The following LRFN5 variants were observed in gnomAD, a reference collection of about 807,000 sequenced individuals.
LRFN5 encodes the protein leucine-rich repeat and fibronectin type-III domain-containing protein 5.
Under a neutral mutation model 45.6 loss-of-function variants are expected in LRFN5, and 24 were observed. The observed-to-expected ratio is 0.53, with a 90% CI of 0.38 to 0.74. The LOEUF (loss-of-function observed/expected upper bound fraction) is 0.74. LRFN5 is among the 30% of genes least tolerant of loss of function. The probability of loss-of-function intolerance (pLI) is 0.00; values close to 1 mark genes in which losing one functional copy is unlikely to be tolerated. For synonymous variants in LRFN5, 340 were observed against 313.8 expected (o/e 1.08, Z -0.88); for missense variants, 776 against 861.5 (o/e 0.90, Z 1.24).
intron 1 of LRFN5, among the ~76,000 whole-genome samples, chr14:41,753,985 T>G (rs1028394237): frequency 8.5e-5 from 13 of 152,228 alleles, no homozygotes; most frequent in Non-Finnish European, 8.8e-5. Flanking sequence ...GGCTGTTGAA[T>G]TTCGTCAAAG....
intron 2 of LRFN5, among the ~76,000 whole-genome samples, chr14:41,831,122 G>A (rs10133240): frequency 0.056 from 8,594 of 152,136 alleles, 813 homozygotes; most frequent in African/African-American, 0.2. Flanking sequence ...GAGTTAGAAA[G>A]CCCATGTAGC....
chr14:41,854,362 C>A (rs571777808), intron 2 of LRFN5, among the ~76,000 whole-genome samples: 130 of 148,962 alleles, frequency 8.7e-4, no homozygotes, highest in African/African-American at 3.0e-3. Flanking sequence ...AGGGGCCTGT[C>A]GTGGGGTGGG....
At position 41,716,001 on chromosome 14, in the gene LRFN5, T is replaced by C. The variant is rs182577236; in HGVS notation, c.-196-50853T>C. 2.5e-4 allele frequency among the ~76,000 whole-genome samples: 38 copies of C among 152,334 alleles called. No individual in the cohort carries two copies. The East Asian group carries it at 6.4e-3, about 26-fold the overall frequency. ...TTCCCAAACTCCAGTTCTTGACTTC[T>C]CTGCACTGGCAGGCTCAACACCACG... On this transcript the variant is annotated intron_variant, in intron 1 of 5. Coordinates refer to ENST00000298119, the MANE Select transcript of LRFN5 (RefSeq NM_152447.5).
intron 2 of LRFN5, among the ~76,000 whole-genome samples, chr14:41,770,294 G>GC (rs1288547765): frequency 2.6e-5 from 4 of 151,996 alleles, no homozygotes; most frequent in Middle Eastern, 3.4e-3. Flanking sequence ...TCCATCCCTG[G>GC]CCCCCCCAAA....
chr14:41,862,335 G>C (rs558432664), intron 2 of LRFN5, among the ~76,000 whole-genome samples: 8 of 152,022 alleles, frequency 5.3e-5, no homozygotes, highest in African/African-American at 1.9e-4. Flanking sequence ...GAATCACCCA[G>C]TACTTTATGT....
chr14:41,867,622 C>T (rs1323435828), intron 2 of LRFN5, among the ~76,000 whole-genome samples: 1 of 152,044 alleles, frequency 6.6e-6, no homozygotes, highest in Non-Finnish European at 1.5e-5. Flanking sequence ...TACATCATCC[C>T]AGCTGATTCT....
Position 41,884,648 on chromosome 14 carries a change from A to G in LRFN5, c.-20-1958A>G, listed in dbSNP as rs76133939. Reference sequence around the variant, plus strand: ...AAAACCACAACTGCTTGAAACTTACATAGCATTTAACACCCTCCCCTTAAC... The same window carrying G: ...AAAACCACAACTGCTTGAAACTTACGTAGCATTTAACACCCTCCCCTTAAC... On this transcript the variant is annotated intron_variant, in intron 2 of 5. Coordinates refer to ENST00000298119, the MANE Select transcript of LRFN5 (RefSeq NM_152447.5). Among the ~76,000 whole-genome samples the G allele has an allele frequency of 3.8e-3, 584 of 152,226 alleles. 6 individuals carry two copies. The highest frequency in any genetic ancestry group is 0.013 in the African/African-American group (559 of 41,550).
intron 2 of LRFN5, among the ~76,000 whole-genome samples, chr14:41,817,079 G>C (rs1401641221): frequency 1.4e-5 from 2 of 148,022 alleles, no homozygotes; most frequent in Non-Finnish European, 3.0e-5. Context: ...AGCCCATGAA[G>C]GTAATTCTTT....
chr14:41,815,262 TGG>T (rs1887877660), intron 2 of LRFN5, among the ~76,000 whole-genome samples: 2 of 152,200 alleles, frequency 1.3e-5, no homozygotes, highest in Non-Finnish European at 2.9e-5. Flanking sequence ...ATATTTTTCA[TGG>T]AGAATTTGCC....
intron 1 of LRFN5, among the ~76,000 whole-genome samples, chr14:41,611,867 G>A (rs1306568321): frequency 1.3e-5 from 2 of 152,154 alleles, no homozygotes; most frequent in Non-Finnish European, 2.9e-5. Flanking sequence ...GGCAAGACCT[G>A]TAGTTACCTG....
chr14:41,615,252 A>G (rs1213865970), intron 1 of LRFN5, among the ~76,000 whole-genome samples: 2 of 152,098 alleles, frequency 1.3e-5, no homozygotes, highest in African/African-American at 4.8e-5. Flanking sequence ...ACTTTTATAT[A>G]GATGTATTAT....
intron 1 of LRFN5, among the ~76,000 whole-genome samples, chr14:41,714,075 A>T (rs935190307): frequency 5.9e-5 from 9 of 151,982 alleles, no homozygotes; most frequent in Non-Finnish European, 1.2e-4. Context: ...TAAATTATAT[A>T]AGAGAAATGG....
Position 41,626,166 on chromosome 14 carries a change from T to G in LRFN5, c.-197+17604T>G, listed in dbSNP as rs529575681. ...ACCTTGTTAATGTAAAAATTCATAG[T>G]AATAAAAAACAAATACATGTTTTAA... On this transcript the variant is annotated intron_variant, in intron 1 of 5. Transcript: ENST00000298119. 7.2e-5 allele frequency among the ~76,000 whole-genome samples: 11 copies of G among 152,192 alleles called. No homozygotes were observed. The South Asian group carries it at 2.3e-3, about 32-fold the overall frequency.
At chr14:41,808,566 GA>G (rs1313334299) in intron 2 of LRFN5, among the ~76,000 whole-genome samples, 4 of 112,720 alleles carry the variant, frequency 3.5e-5, no homozygotes, top group Non-Finnish European at 5.5e-5. Context: ...AGGAAGGAAG[GA>G]AGGAAGGAAG....
chr14:41,650,266 C>CAAAAA (rs10654457), intron 1 of LRFN5, among the ~76,000 whole-genome samples: 3 of 135,456 alleles, frequency 2.2e-5, no homozygotes, highest in African/African-American at 8.5e-5. Flanking sequence ...CACACACACA[C>CAAAAA]AAAAAAAAAA....
chr14:41,779,887 G>T (rs1282647845), intron 2 of LRFN5, among the ~76,000 whole-genome samples: 13 of 151,786 alleles, frequency 8.6e-5, no homozygotes, highest in Non-Finnish European at 1.5e-5. Context: ...CTGGCTAGAA[G>T]TTTATAAATG....
At chr14:41,695,095 A>G (rs1882548073) in intron 1 of LRFN5, among the ~76,000 whole-genome samples, 1 of 151,958 alleles carries the variant, frequency 6.6e-6, no homozygotes, top group South Asian at 2.1e-4. Context: ...CATATTGCTG[A>G]TATGGAGAAA....
At chr14:41,622,939 A>G (rs1347040577) in intron 1 of LRFN5, among the ~76,000 whole-genome samples, 1 of 152,148 alleles carries the variant, frequency 6.6e-6, no homozygotes. Flanking sequence ...TTTTAAGCTT[A>G]TATGAGACAA....
At chr14:41,799,032 G>C (rs1887232739) in intron 2 of LRFN5, among the ~76,000 whole-genome samples, 1 of 151,444 alleles carries the variant, frequency 6.6e-6, no homozygotes, top group African/African-American at 2.4e-5. Context: ...TTTTAACTTG[G>C]TCTCTGGTTT....
Sources: gnomAD v4.1 joint callset for allele counts (sites outside exome capture counted in the v4.1 genomes callset) on GRCh38, gnomAD v4.1.1 for gene constraint, MANE v1.5 for transcripts, NCBI Gene and HGNC (gene_info 2026-07-23, HGNC 2026-07-21) for gene names.